The following LRP6 variants were observed in gnomAD, a reference collection of about 807,000 sequenced individuals.
The protein encoded by LRP6 is low-density lipoprotein receptor-related protein 6.
LRP6 carries 43 observed loss-of-function variants against 184.1 expected under a neutral mutation model. The ratio of observed to expected loss-of-function variants is 0.23; its 90% CI spans 0.18 to 0.30. The LOEUF (loss-of-function observed/expected upper bound fraction) is 0.30, where lower values mean the gene tolerates loss of function less well. LRP6 is among the 10% of genes least tolerant of loss of function. The pLI is 1.00. For missense variants in LRP6, 1,571 were observed against 2,005.3 expected (o/e 0.78, Z 4.14); for synonymous variants, 719 against 684.9 (o/e 1.05, Z -0.78).
In LRP6 at chr12:12,219,268, C is replaced by G. The variant is rs190113860; in HGVS notation, c.450-15868G>C. ...CGCCCAGGCTGGAGTGCAGTGGCAC[C>G]GTCTCGGCTCACTGCAACCTCCACC... is the stretch of plus-strand genomic sequence containing the variant. On this transcript the variant is annotated intron_variant, in intron 2 of 22. Transcript: ENST00000261349. Among the ~76,000 whole-genome samples, 740 of 152,228 alleles carry G rather than the reference C, an allele frequency of 4.9e-3. 44 individuals are homozygous for G. In the East Asian group the frequency reaches 0.12, roughly 26 times the overall value.
At chr12:12,143,728 C>T (rs1249883739) in intron 15 of LRP6, among the ~76,000 whole-genome samples, 2 of 152,102 alleles carry the variant, frequency 1.3e-5, no homozygotes, top group African/African-American at 4.8e-5. Flanking sequence ...AAATCAATTC[C>T]AGATGGATTA....
intron 17 of LRP6, among the ~76,000 whole-genome samples, 200 bp downstream of exon 17, chr12:12,134,975 G>A (rs1235980193): frequency 1.3e-5 from 2 of 152,068 alleles, no homozygotes; most frequent in Admixed American, 1.3e-4. Flanking sequence ...AAGAAACAGA[G>A]TAAAATGATG....
At chr12:12,184,233 C>A in intron 4 of LRP6, 122 bp from the exon 5 acceptor site, 2 of 776,390 alleles carry the variant, frequency 2.6e-6, no homozygotes, top group South Asian at 1.4e-5. Flanking sequence ...AGGTGCTTGA[C>A]TATCAAACCA....
intron 1 of LRP6, among the ~76,000 whole-genome samples, chr12:12,261,143 G>A (rs1321472843): frequency 5.3e-5 from 8 of 152,084 alleles, no homozygotes; most frequent in Non-Finnish European, 7.4e-5. Flanking sequence ...AATCATGGCC[G>A]GGCGCGGTGG....
At chr12:12,235,548 T>A (rs909482655) in intron 2 of LRP6, among the ~76,000 whole-genome samples, 2 of 151,774 alleles carry the variant, frequency 1.3e-5, no homozygotes, top group African/African-American at 4.8e-5. Context: ...CTGACCAACA[T>A]GCAGAAACCC....
chr12:12,203,070 C>G (rs1300405429), intron 3 of LRP6, 133 bp downstream of exon 3: 1 of 635,068 alleles, frequency 1.6e-6, no homozygotes, highest in African/African-American at 1.8e-5. Flanking sequence ...AAAGAGCTAA[C>G]TAAAAGACTA....
intron 5 of LRP6, 39 bp from the exon 6 acceptor site, chr12:12,181,478 C>A (rs1476247318): frequency 1.1e-6 from 1 of 928,936 alleles, no homozygotes; most frequent in South Asian, 1.3e-5. Context: ...CTTTGAAACC[C>A]AGAGGTAAAA....
At chr12:12,244,206 G>A in intron 2 of LRP6, 56 bp downstream of exon 2, 1 of 1,574,890 alleles carries the variant, frequency 6.3e-7, no homozygotes, top group Non-Finnish European at 8.7e-7. Context: ...GTGTATGTCA[G>A]TGGAGAAAAA....
chr12:12,125,545 A>C (rs1232920299), intron 20 of LRP6, 113 bp from the exon 21 acceptor site: 9 of 917,892 alleles, frequency 9.8e-6, no homozygotes, highest in South Asian at 8.7e-5. Flanking sequence ...GTCTGATTTT[A>C]AAATAACTTA....
intron 10 of LRP6, among the ~76,000 whole-genome samples, chr12:12,160,652 A>T (rs898945407): frequency 2.0e-5 from 3 of 152,176 alleles, no homozygotes; most frequent in Non-Finnish European, 4.4e-5. Flanking sequence ...TCCATTTTTG[A>T]GTTTTGCACT....
At chr12:12,149,199 A>T in intron 13 of LRP6, 46 bp from the exon 14 acceptor site, 1 of 1,483,336 alleles carries the variant, frequency 6.7e-7, no homozygotes, top group Non-Finnish European at 9.4e-7. Flanking sequence ...CCAGGGGCAG[A>T]TAACCCTGAG....
intron 3 of LRP6, among the ~76,000 whole-genome samples, chr12:12,198,811 G>C (rs1177957670): frequency 1.3e-5 from 2 of 151,908 alleles, no homozygotes; most frequent in Non-Finnish European, 2.9e-5. Flanking sequence ...TGGGATTATA[G>C]GCGTGAGTCA....
chr12:12,127,886 T>G (rs1949695110), intron 19 of LRP6, among the ~76,000 whole-genome samples: 1 of 152,182 alleles, frequency 6.6e-6, no homozygotes, highest in Non-Finnish European at 1.5e-5. Context: ...AAATGACATC[T>G]CTAAGTTACA....
chr12:12,164,658 A>G, intron 8 of LRP6, 96 bp from the exon 9 acceptor site: 1 of 1,171,954 alleles, frequency 8.5e-7, no homozygotes, highest in Non-Finnish European at 1.2e-6. Context: ...TTGGTTCACA[A>G]ATGCCTATGA....
chr12:12,204,312 AG>A (rs1402296830), intron 2 of LRP6, among the ~76,000 whole-genome samples: 8 of 149,122 alleles, frequency 5.4e-5, no homozygotes. Flanking sequence ...GGGGGGGGTC[AG>A]GAACCAATCT....
In LRP6 at chr12:12,161,826, T is replaced by C. The variant is rs867516823; in HGVS notation, c.2279+367A>G. Among the ~76,000 whole-genome samples the C allele has an allele frequency of 3.9e-5, 6 of 152,276 alleles. No individual in the cohort carries two copies. In the South Asian group the frequency reaches 1.0e-3, roughly 26 times the overall value. The stretch of plus-strand genomic sequence containing the variant: ...TGTAGTTTTTTCTTAGCTCACAACA[T>C]TGTTTCGGTGGGTTTACTTCAATAG... On this transcript the variant is annotated intron_variant, in intron 10 of 22. Coordinates refer to ENST00000261349, the MANE Select transcript of LRP6 (RefSeq NM_002336.3).
intron 2 of LRP6, among the ~76,000 whole-genome samples, chr12:12,242,584 C>T (rs186749508): frequency 2.6e-5 from 4 of 152,266 alleles, no homozygotes; most frequent in Admixed American, 6.5e-5. Context: ...ACACAAACTC[C>T]GTTTCTCAAA....
chr12:12,183,810 G>A (rs1017892684), intron 5 of LRP6, among the ~76,000 whole-genome samples, 170 bp downstream of exon 5: 1 of 152,136 alleles, frequency 6.6e-6, no homozygotes, highest in African/African-American at 2.4e-5. Flanking sequence ...TAGCATTCAA[G>A]TGATGCCACA....
chr12:12,191,576 T>C (rs1464633358), intron 3 of LRP6, among the ~76,000 whole-genome samples: 2 of 151,958 alleles, frequency 1.3e-5, no homozygotes, highest in South Asian at 2.1e-4. Context: ...AAGGATAAAG[T>C]GAAGAATAAC....
Sources: allele counts gnomAD v4.1 joint callset (sites outside exome capture counted in the v4.1 genomes callset), GRCh38; gene constraint gnomAD v4.1.1; transcripts MANE v1.5; gene names NCBI Gene and HGNC (gene_info 2026-07-23, HGNC 2026-07-21).